Variants in SUCLG1 observed in about 807,000 individuals in gnomAD.
The protein encoded by SUCLG1 is succinate-CoA ligase GDP/ADP-forming subunit alpha, also known as succinate--CoA ligase [ADP/GDP-forming] subunit alpha, mitochondrial.
A neutral mutation model predicts 37.3 loss-of-function variants in SUCLG1; 26 were observed. That is an observed-to-expected ratio of 0.70 (90% CI 0.51 to 0.97). The LOEUF (loss-of-function observed/expected upper bound fraction) is 0.97, where lower values mean the gene tolerates loss of function less well. Ranked by LOEUF, SUCLG1 falls within the 50% of genes least tolerant of loss-of-function variation. The pLI is 0.00. For missense variants in SUCLG1, 433 were observed against 432.9 expected (o/e 1.00, Z 0.00); for synonymous variants, 163 against 155.6 (o/e 1.05, Z -0.36).
intron 7 of SUCLG1, among the ~76,000 whole-genome samples, chr2:84,429,329 C>T (rs4831971): frequency 0.97 from 147,025 of 152,324 alleles, 71,003 homozygotes; most frequent in East Asian, 1. Flanking sequence ...TTAAATTCAA[C>T]TTAACACAGC....
intron 1 of SUCLG1, among the ~76,000 whole-genome samples, chr2:84,453,703 C>T (rs915809199): frequency 6.6e-5 from 10 of 152,214 alleles, no homozygotes; most frequent in African/African-American, 2.4e-4. Flanking sequence ...AGGCAGGAGC[C>T]ACCATGCCCA....
chr2:84,445,234 G>A (rs1286904574), intron 2 of SUCLG1, among the ~76,000 whole-genome samples: 1 of 152,186 alleles, frequency 6.6e-6, no homozygotes, highest in Non-Finnish European at 1.5e-5. Flanking sequence ...ACTAATAAAT[G>A]TCTATGAAAT....
At chr2:84,452,899 G>A (rs1011658280) in intron 1 of SUCLG1, among the ~76,000 whole-genome samples, 1 of 152,104 alleles carries the variant, frequency 6.6e-6, no homozygotes, top group Non-Finnish European at 1.5e-5. Context: ...CATAAGGTTC[G>A]TCTCTTTTTC....
At chr2:84,453,564 A>G (rs917942753) in intron 1 of SUCLG1, among the ~76,000 whole-genome samples, 3 of 152,044 alleles carry the variant, frequency 2.0e-5, no homozygotes, top group Non-Finnish European at 2.9e-5. Flanking sequence ...ATAGGCCCAC[A>G]TCACTACACC....
intron 3 of SUCLG1, among the ~76,000 whole-genome samples, chr2:84,441,738 A>C (rs1404985929): frequency 6.6e-6 from 1 of 152,212 alleles, no homozygotes; most frequent in Non-Finnish European, 1.5e-5. Context: ...CTGACAGTGA[A>C]CAGAGTCAAA....
At chr2:84,431,276 A>G (rs1672610057) in intron 7 of SUCLG1, among the ~76,000 whole-genome samples, 2 of 152,188 alleles carry the variant, frequency 1.3e-5, no homozygotes, top group South Asian at 4.1e-4. Context: ...CGACTTACCT[A>G]CCACAAAGTG....
intron 2 of SUCLG1, among the ~76,000 whole-genome samples, chr2:84,445,959 C>T (rs144457367): frequency 4.6e-5 from 7 of 152,376 alleles, no homozygotes; most frequent in Non-Finnish European, 1.0e-4. Context: ...AATCCCGTAC[C>T]TGCCTACTTA....
intron 2 of SUCLG1, chr2:84,448,867 A>G: frequency 3.5e-6 from 1 of 282,062 alleles, no homozygotes; most frequent in South Asian, 3.7e-5. Context: ...ATACTACAAA[A>G]CACATATTAT....
chr2:84,446,881 C>T (rs1408512992), intron 2 of SUCLG1, among the ~76,000 whole-genome samples: 1 of 152,098 alleles, frequency 6.6e-6, no homozygotes, highest in Non-Finnish European at 1.5e-5. Flanking sequence ...TTTTTTGCTA[C>T]AGACACTGAG....
Position 84,438,132 on chromosome 2 carries a change from A to G in SUCLG1, c.589+2915T>C, listed in dbSNP as rs1255826249. ...ACTTGTGGTTATAGAAAAGTTCTCT[A>G]TATTGACTGTATCAATGTCAATATC... On this transcript the variant is annotated intron_variant, in intron 5 of 8. Coordinates refer to ENST00000393868, the MANE Select transcript of SUCLG1 (RefSeq NM_003849.4). Among the ~76,000 whole-genome samples the G allele has an allele frequency of 2.0e-5, 3 of 152,244 alleles. 1 individual carries two copies. In the East Asian group the frequency reaches 5.8e-4, roughly 29 times the overall value.
chr2:84,433,518 G>C, intron 5 of SUCLG1, 83 bp from the exon 6 acceptor site: 1 of 1,109,272 alleles, frequency 9.0e-7, no homozygotes, highest in Non-Finnish European at 1.4e-6. Context: ...CAAACACTTC[G>C]AGTGACTAAC....
chr2:84,455,508 A>G (rs1246934374), intron 1 of SUCLG1, among the ~76,000 whole-genome samples: 2 of 151,096 alleles, frequency 1.3e-5, no homozygotes, highest in African/African-American at 2.4e-5. Context: ...AAAAACATAT[A>G]TATCAGTAAT....
Position 84,433,375 on chromosome 2 carries a change from C to T in SUCLG1, c.650G>A (p.Gly217Glu), listed in dbSNP as rs371040548. 3 of 1,613,852 alleles carry T rather than the reference C, an allele frequency of 1.9e-6. No individual in the cohort carries two copies. In the African/African-American group the frequency reaches 4.0e-5, roughly 22 times the overall value. ...ACCAACGCACAAAGACTGCCCCAAT[C>T]CAACTTGCGTTGTTTGGTGAACTGC... Reference protein sequence around the residue: ...YEAVHQTTQVGLGQSLCVGIG... With the variant: ...YEAVHQTTQVELGQSLCVGIG... The change falls in exon 6 of 9, where the codon GGA becomes GAA. Residue 217 changes from glycine (G) to glutamate (E), a missense_variant. Transcript: ENST00000393868.
chr2:84,444,584 C>T (rs113055132), intron 2 of SUCLG1, among the ~76,000 whole-genome samples: 55 of 152,284 alleles, frequency 3.6e-4, no homozygotes, highest in African/African-American at 1.2e-3. Flanking sequence ...GTTTCCAGCA[C>T]GCATTGCATT....
chr2:84,451,279 A>G (rs1672936981), intron 1 of SUCLG1, among the ~76,000 whole-genome samples: 1 of 147,738 alleles, frequency 6.8e-6, no homozygotes, highest in South Asian at 2.1e-4. Flanking sequence ...ACAAATGCTC[A>G]TATCATATCA....
intron 7 of SUCLG1, among the ~76,000 whole-genome samples, chr2:84,430,238 G>A (rs1321661331): frequency 2.0e-5 from 3 of 152,128 alleles, no homozygotes; most frequent in South Asian, 2.1e-4. Flanking sequence ...ACTAAGTGCC[G>A]GGCACTACTT....
intron 1 of SUCLG1, among the ~76,000 whole-genome samples, chr2:84,455,481 C>T (rs548903134): frequency 1.5e-5 from 1 of 66,564 alleles, no homozygotes; most frequent in East Asian, 4.6e-4. Flanking sequence ...GCAATAAGAG[C>T]AAAACTCTGT....
intron 2 of SUCLG1, 125 bp downstream of exon 2, chr2:84,449,524 C>A: frequency 1.5e-6 from 1 of 646,450 alleles, no homozygotes. Flanking sequence ...GATACAACCC[C>A]ATTGCTGTAC....
intron 5 of SUCLG1, among the ~76,000 whole-genome samples, chr2:84,436,872 C>G (rs1672693423): frequency 6.6e-6 from 1 of 152,164 alleles, no homozygotes; most frequent in South Asian, 2.1e-4. Flanking sequence ...CAGCTTAAAG[C>G]ACAGTTCCAG....
Sources: gnomAD v4.1 joint callset for allele counts (sites outside exome capture counted in the v4.1 genomes callset) on GRCh38, gnomAD v4.1.1 for gene constraint, MANE v1.5 for transcripts, NCBI Gene and HGNC (gene_info 2026-07-23, HGNC 2026-07-21) for gene names.